Variants in TG observed in about 807,000 individuals in gnomAD.
TG encodes thyroglobulin, also known as thyroid hormones.
A neutral mutation model predicts 324.7 loss-of-function variants in TG; 270 were observed. The ratio of observed to expected loss-of-function variants is 0.83; its 90% confidence interval spans 0.75 to 0.92. TG has a LOEUF of 0.92. Ranked by LOEUF, TG falls within the 40% of genes least tolerant of loss-of-function variation. TG has a pLI of 0.00. For missense variants in TG, 3,591 were observed against 3,456.4 expected, an observed-to-expected ratio of 1.04 and a Z score of -0.98; for synonymous variants, 1,401 against 1,327.0, an observed-to-expected ratio of 1.06 and a Z score of -1.21.
rs934177345 is a variant in TG at position 132,923,490 on chromosome 8, G to A, written c.4681G>A (p.Glu1561Lys). 5 of 1,613,956 alleles carry A rather than the reference G, an allele frequency of 3.1e-6. No homozygotes were observed. In the African/African-American group the frequency reaches 6.7e-5, roughly 22 times the overall value. The change falls in exon 22 of 48, where the codon GAG becomes AAG. Residue 1561 changes from glutamate to lysine, a missense_variant. Transcript: ENST00000220616. The stretch of plus-strand genomic sequence containing the variant: ...ATGGTGGGAAACAGAGGCCCCTCTT[G>A]AGGACTCACAGTGTTTGAGTAGGTG... ...LPWWETEAPL[E>K]DSQCLMMQKF...
At chr8:132,970,964 G>T (rs1247284868) in intron 32 of TG, among the ~76,000 whole-genome samples, 2 of 152,172 alleles carry the variant, frequency 1.3e-5, no homozygotes, top group Non-Finnish European at 2.9e-5. Context: ...TCACCGCTGG[G>T]ATGTGGCTTG....
intron 37 of TG, among the ~76,000 whole-genome samples, chr8:133,017,337 A>G (rs906253557): frequency 6.8e-6 from 1 of 147,968 alleles, no homozygotes; most frequent in Non-Finnish European, 1.5e-5. Flanking sequence ...AAGAAATTCT[A>G]TTCTTTACTC....
chr8:132,996,923 G>A (rs767527542), intron 35 of TG, among the ~76,000 whole-genome samples: 1 of 152,202 alleles, frequency 6.6e-6, no homozygotes, highest in Non-Finnish European at 1.5e-5. Context: ...GGGATGGTAG[G>A]AGGCAGACTA....
chr8:133,105,136 G>A (rs1010673534), intron 43 of TG, among the ~76,000 whole-genome samples: 10 of 152,182 alleles, frequency 6.6e-5, no homozygotes, highest in African/African-American at 2.4e-4. Context: ...CTTTTCTGGT[G>A]GGGATTCTGC....
At chr8:133,116,171 C>T (rs1411770205) in intron 44 of TG, among the ~76,000 whole-genome samples, 7 of 152,172 alleles carry the variant, frequency 4.6e-5, no homozygotes, top group Admixed American at 2.0e-4. Context: ...GCTATCTTTG[C>T]GGGCTCTGAC....
At chr8:132,922,560 A>C (rs1442010224) in intron 21 of TG, among the ~76,000 whole-genome samples, 4 of 152,212 alleles carry the variant, frequency 2.6e-5, no homozygotes, top group Admixed American at 2.6e-4. Context: ...TTTGGGCCTG[A>C]CTGGGCTGGG....
intron 41 of TG, among the ~76,000 whole-genome samples, chr8:133,093,327 A>G (rs1022953195): frequency 3.9e-5 from 6 of 152,032 alleles, no homozygotes; most frequent in Non-Finnish European, 8.8e-5. Context: ...GCTGCTGCTT[A>G]TCAGAGGATC....
At chr8:132,964,092 G>A (rs1437491511) in intron 29 of TG, among the ~76,000 whole-genome samples, 2 of 151,850 alleles carry the variant, frequency 1.3e-5, no homozygotes, top group East Asian at 1.9e-4. Flanking sequence ...CCTCAACCTC[G>A]GCAGTGCCTT....
intron 43 of TG, 23 bp downstream of exon 43, chr8:133,096,396 A>T (rs368965583): frequency 6.2e-7 from 1 of 1,613,978 alleles, no homozygotes; most frequent in Non-Finnish European, 8.5e-7. Context: ...GGGGCCTCGG[A>T]TGTCTCCAGC....
intron 43 of TG, 124 bp downstream of exon 43, chr8:133,096,497 T>A: frequency 8.2e-7 from 1 of 1,225,468 alleles, no homozygotes; most frequent in Non-Finnish European, 1.2e-6. Flanking sequence ...GCAATGCCTA[T>A]GTGAGTTTAG....
intron 28 of TG, among the ~76,000 whole-genome samples, chr8:132,962,235 C>T (rs1407611590): frequency 6.6e-6 from 1 of 151,626 alleles, no homozygotes; most frequent in Non-Finnish European, 1.5e-5. Context: ...AGATTATGTA[C>T]TTCTTTTCTC....
chr8:132,893,085 G>A (rs1816493185), intron 10 of TG, among the ~76,000 whole-genome samples: 1 of 148,802 alleles, frequency 6.7e-6, no homozygotes, highest in South Asian at 2.2e-4. Flanking sequence ...GGTGGTGTAT[G>A]TGTGTGGTGT....
intron 45 of TG, among the ~76,000 whole-genome samples, chr8:133,121,021 C>T (rs2958688): frequency 0.22 from 34,150 of 151,950 alleles, 4,299 homozygotes; most frequent in South Asian, 0.32. Context: ...GGTTCCACTG[C>T]GGCAACCCAG....
chr8:133,098,176 C>T (rs185568714), intron 43 of TG, among the ~76,000 whole-genome samples: 3 of 152,312 alleles, frequency 2.0e-5, no homozygotes, highest in African/African-American at 7.2e-5. Flanking sequence ...CCACTCTCCT[C>T]CACTGCCTCA....
chr8:133,052,744 C>A (rs1336003146), intron 41 of TG, among the ~76,000 whole-genome samples: 1 of 152,152 alleles, frequency 6.6e-6, no homozygotes, highest in Non-Finnish European at 1.5e-5. Context: ...TACACAATTG[C>A]AAATACAAAA....
At chr8:133,000,824 A>G (rs1396179230) in intron 35 of TG, among the ~76,000 whole-genome samples, 3 of 152,218 alleles carry the variant, frequency 2.0e-5, no homozygotes, top group Non-Finnish European at 4.4e-5. Context: ...CACCGAGTGC[A>G]CACTTATTTT....
chr8:132,960,472 G>C (rs746975271), intron 27 of TG, among the ~76,000 whole-genome samples: 2 of 152,216 alleles, frequency 1.3e-5, no homozygotes, highest in Non-Finnish European at 2.9e-5. Context: ...TCCAGAGTGG[G>C]ATCCAGGGGA....
chr8:133,109,801 G>A (rs965251245), intron 43 of TG, among the ~76,000 whole-genome samples: 4 of 152,192 alleles, frequency 2.6e-5, no homozygotes, highest in African/African-American at 7.2e-5. Flanking sequence ...GACTCAGGCA[G>A]CATCATTCTC....
intron 34 of TG, among the ~76,000 whole-genome samples, chr8:132,977,015 T>C (rs1830254367): frequency 1.3e-5 from 2 of 152,302 alleles, no homozygotes; most frequent in East Asian, 3.9e-4. Flanking sequence ...AAACCATCTT[T>C]TGATTTATGA....
Sources: gnomAD v4.1 joint callset for allele counts (sites outside exome capture counted in the v4.1 genomes callset) on GRCh38, gnomAD v4.1.1 for gene constraint, MANE v1.5 for transcripts, NCBI Gene and HGNC (gene_info 2026-07-23, HGNC 2026-07-21) for gene names.